C1orf167: variants seen among roughly 807,000 people sequenced by gnomAD.
The protein encoded by C1orf167 is uncharacterized protein C1orf167.
Under a neutral mutation model 176.5 loss-of-function variants are expected in C1orf167, and 153 were observed. The ratio of observed to expected loss-of-function variants is 0.87; its 90% CI spans 0.76 to 0.99. The LOEUF is 0.99. Ranked by LOEUF, C1orf167 falls within the 50% of genes least tolerant of loss-of-function variation. The pLI, the probability that C1orf167 is intolerant of heterozygous loss-of-function variation, is 0.00. For missense variants in C1orf167, 1,490 were observed against 1,817.7 expected, an observed-to-expected ratio of 0.82 and a Z score of 3.28; for synonymous variants, 594 against 752.7, an observed-to-expected ratio of 0.79 and a Z score of 3.45.
At chr1:11,767,950 C>T (rs1642878393) in intron 4 of C1orf167, 127 bp from the exon 5 acceptor site, 3 of 627,848 alleles carry the variant, frequency 4.8e-6, no homozygotes, top group Non-Finnish European at 7.0e-6. Context: ...GTGTGATACT[C>T]CTGTTGTGGC....
At chr1:11,772,311 G>C (rs112234774) in intron 8 of C1orf167, 52 bp downstream of exon 8, 52,042 of 1,259,064 alleles carry the variant, frequency 0.041, 1,185 homozygotes, top group Non-Finnish European at 0.048. Flanking sequence ...TGTCACCTAG[G>C]CTGAAGTACA....
At chr1:11,763,886 T>G (rs984129718) in intron 1 of C1orf167, among the ~76,000 whole-genome samples, 1 of 152,040 alleles carries the variant, frequency 6.6e-6, no homozygotes, top group Non-Finnish European at 1.5e-5. Flanking sequence ...AGAAGGGGAA[T>G]CGGGGTGGCT....
At chr1:11,765,657 C>T (rs978193941) in intron 2 of C1orf167, among the ~76,000 whole-genome samples, 200 bp from the exon 3 acceptor site, 1 of 152,144 alleles carries the variant, frequency 6.6e-6, no homozygotes, top group Non-Finnish European at 1.5e-5. Flanking sequence ...TGTCCAGCTC[C>T]AAGACCCCCC....
At chr1:11,779,158 T>A in intron 12 of C1orf167, 78 bp downstream of exon 12, 1 of 1,183,564 alleles carries the variant, frequency 8.4e-7, no homozygotes, top group African/African-American at 1.6e-5. Context: ...ACCCTTGGCC[T>A]TCACAGCAGC....
intron 9 of C1orf167, among the ~76,000 whole-genome samples, chr1:11,775,877 C>A (rs2100329557): frequency 6.6e-6 from 1 of 152,274 alleles, no homozygotes; most frequent in South Asian, 2.1e-4. Context: ...TGCTGGTATC[C>A]TAGATCCTGC....
Position 11,771,653 on chromosome 1 carries a change from TG to T in C1orf167, c.1810+20del, listed in dbSNP as rs1221929451. 7.8e-7 allele frequency: 1 copy of T among 1,287,076 alleles called. No individual in the cohort carries two copies. 79.7% of individuals were successfully genotyped at this position (1,287,076 alleles called of 1,614,324 possible). On this transcript the variant is annotated intron_variant, in intron 7 of 20. Transcript: ENST00000688073. ...AACTGGCTGGTGAGACGTGGGGTGCTGGGAAAGCGGGGAGATGGAGCCTGGC... is the reference window on the plus strand; with the variant it reads ...AACTGGCTGGTGAGACGTGGGGTGCTGGAAAGCGGGGAGATGGAGCCTGGC...
chr1:11,770,625 T>G (rs574202135), intron 6 of C1orf167, among the ~76,000 whole-genome samples: 2 of 149,204 alleles, frequency 1.3e-5, no homozygotes, highest in South Asian at 4.2e-4. Context: ...TTTTTTTTTT[T>G]GTATTTTTGT....
rs1644006915 is a variant in C1orf167 at position 11,789,256 on chromosome 1, C to T, written c.4174-14C>T. ...GCCCACAACAATAGCATTTCCTCTC[C>T]TCCCTGGTTCCAGGCCTTTAAGAAG... On this transcript the variant is annotated splice_polypyrimidine_tract_variant and intron_variant, in intron 20 of 20. Coordinates refer to ENST00000688073, the MANE Select transcript of C1orf167 (RefSeq NM_001010881.2). 5 of 1,303,186 alleles carry T rather than the reference C, an allele frequency of 3.8e-6. No individual in the cohort carries two copies. The highest frequency in any genetic ancestry group is 5.1e-6 in the Non-Finnish European group (5 of 988,632). 80.7% of individuals were successfully genotyped at this position (1,303,186 alleles called of 1,614,324 possible).
At chr1:11,776,887 G>T (rs2100338551) in intron 10 of C1orf167, among the ~76,000 whole-genome samples, 1 of 152,320 alleles carries the variant, frequency 6.6e-6, no homozygotes, top group African/African-American at 2.4e-5. Context: ...CCAGGGGGCT[G>T]CCAGAGACAC....
chr1:11,788,898 G>A, intron 20 of C1orf167, 152 bp downstream of exon 20: 1 of 517,382 alleles, frequency 1.9e-6, no homozygotes, highest in South Asian at 1.8e-5. Context: ...TTCCATTACA[G>A]AACACACAGG....
chr1:11,773,387 C>T (rs1643170468), intron 8 of C1orf167, among the ~76,000 whole-genome samples: 1 of 151,988 alleles, frequency 6.6e-6, no homozygotes, highest in Admixed American at 6.6e-5. Context: ...TTTTATATGC[C>T]TCTCTAAAAG....
At chr1:11,764,908 G>T (rs1642710077) in intron 2 of C1orf167, among the ~76,000 whole-genome samples, 1 of 152,044 alleles carries the variant, frequency 6.6e-6, no homozygotes, top group Non-Finnish European at 1.5e-5. Flanking sequence ...ACAAAAATTA[G>T]CCAGGCATGA....
chr1:11,768,775 G>A lies in C1orf167; in HGVS notation c.1543-198G>A, dbSNP rs1269236466. On this transcript the variant is annotated intron_variant, in intron 5 of 20. Coordinates refer to ENST00000688073, the MANE Select transcript of C1orf167 (RefSeq NM_001010881.2). The surrounding 1 kb of genome is among the most constrained non-coding windows in gnomAD (Gnocchi z 4.5). The stretch of plus-strand genomic sequence containing the variant: ...TCTTTTAAGGAAAGCGTTGCCTCTT[G>A]GGATGCATCGCTCTATATTTGTTCA... Among the ~76,000 whole-genome samples, 1 of 152,096 alleles carries A rather than the reference G, an allele frequency of 6.6e-6. No individual in the cohort carries two copies. Among genetic ancestry groups the A allele is most frequent in the East Asian group, 1.9e-4 (1 of 5,194 alleles).
At chr1:11,787,542 T>C in intron 17 of C1orf167, 49 bp downstream of exon 17, 1 of 1,215,986 alleles carries the variant, frequency 8.2e-7, no homozygotes, top group South Asian at 1.3e-5. Context: ...AGTGCAGGGG[T>C]GAAGCGGTCT....
intron 11 of C1orf167, 40 bp downstream of exon 11, chr1:11,778,856 G>A (rs745990970): frequency 1.5e-6 from 2 of 1,293,292 alleles, no homozygotes; most frequent in Non-Finnish European, 1.0e-6. Flanking sequence ...GGGCAGGTAG[G>A]GGTGGATGGG....
chr1:11,787,429 C>T lies in C1orf167; in HGVS notation c.3609C>T (p.Pro1203=), dbSNP rs977754404. ...CWTQATELVP[P]APSLQCSLGG... The stretch of plus-strand genomic sequence containing the variant: ...CACAGGCCACAGAGCTGGTGCCTCC[C>T]GCGCCATCACTGCAGTGCAGCCTGG... The change falls in exon 17 of 21, where the codon CCC becomes CCT. Residue 1203 remains proline (P), a synonymous_variant. Coordinates refer to ENST00000688073, the MANE Select transcript of C1orf167 (RefSeq NM_001010881.2). 12 of 1,303,136 alleles carry T rather than the reference C, an allele frequency of 9.2e-6. No homozygotes were observed. Among genetic ancestry groups the T allele is most frequent in the African/African-American group, 1.5e-5 (1 of 65,850 alleles). The allele number at this position is 1,303,136 out of a possible 1,614,324, so 80.7% of individuals were successfully genotyped here. A position where few individuals can be genotyped will look rare whatever the true frequency, so the allele number is the denominator to read the frequency against.
chr1:11,788,215 G>A lies in C1orf167; in HGVS notation c.3915G>A (p.Leu1305=), dbSNP rs1411778537. The A allele has an allele frequency of 7.7e-7, 1 of 1,303,414 alleles. No homozygotes were observed. Among genetic ancestry groups the A allele is most frequent in the Non-Finnish European group, 1.0e-6 (1 of 988,236 alleles). 80.7% of individuals were successfully genotyped at this position (1,303,414 alleles called of 1,614,324 possible). The stretch of plus-strand genomic sequence containing the variant: ...ATGGCTCTGCCCTCCTTCTGGCCCT[G>A]AAGGGTCACGATGCTCTTGGCCATC... The part of the protein sequence containing the change: ...QAHGSALLLA[L]KGHDALGHQE... The change falls in exon 19 of 21, where the codon CTG becomes CTA. Residue 1305 remains leucine, a synonymous_variant. Transcript: ENST00000688073.
chr1:11,788,624 A>C, intron 19 of C1orf167, 28 bp from the exon 20 acceptor site: 11 of 1,300,568 alleles, frequency 8.5e-6, no homozygotes, highest in Non-Finnish European at 1.1e-5. Context: ...TGAGCACAAG[A>C]GGCCTTCTCT....
Position 11,778,964 on chromosome 1 carries a change from G to T in C1orf167, c.2535G>T (p.Gly845=). 2 of 1,303,908 alleles carry T rather than the reference G, an allele frequency of 1.5e-6. No homozygotes were observed. The highest frequency in any genetic ancestry group is 5.6e-5 in the East Asian group (1 of 18,002). 80.8% of individuals were successfully genotyped at this position (1,303,908 alleles called of 1,614,324 possible). The change falls in exon 12 of 21, where the codon GGG becomes GGT. Residue 845 remains glycine, a synonymous_variant. Transcript: ENST00000688073. ...CCACCCTCCCGGACACTCTCCAGGG[G>T]AGCCTTCTGTGGGCAGCTGGGCAGC... The part of the protein sequence containing the change: ...RAPTLPDTLQ[G]SLLWAAGQRQ...
Sources: allele counts gnomAD v4.1 joint callset (sites outside exome capture counted in the v4.1 genomes callset), GRCh38; gene constraint gnomAD v4.1.1; non-coding constraint Gnocchi (gnomAD v3.1); transcripts MANE v1.5; gene names NCBI Gene and HGNC (gene_info 2026-07-23, HGNC 2026-07-21).